Variants in KDM5C observed in about 807,000 individuals in gnomAD.
KDM5C encodes the protein lysine demethylase 5C.
Under a neutral mutation model 110.6 loss-of-function variants are expected in KDM5C, and 16 were observed. The ratio of observed to expected loss-of-function variants is 0.14; its 90% CI spans 0.10 to 0.22. The LOEUF (loss-of-function observed/expected upper bound fraction) is 0.22, where lower values mean the gene tolerates loss of function less well. KDM5C is among the 10% of genes least tolerant of loss of function. KDM5C has a pLI of 1.00. For synonymous variants in KDM5C, 511 were observed against 520.4 expected (o/e 0.98, Z 0.24); for missense variants, 681 against 1,300.9 (o/e 0.52, Z 7.33).
intron 25 of KDM5C, among the ~76,000 whole-genome samples, chrX:53,180,461 C>T (rs782311180): frequency 1.3e-4 from 15 of 111,213 alleles, no homozygotes; most frequent in Admixed American, 7.7e-4. Context: ...TTGACTATAA[C>T]GAATGTACCA....
chrX:53,214,856 G>A lies in KDM5C; in HGVS notation c.964-9C>T, dbSNP rs1556850880. ...CAGACATATGACTCAATCTGCCAGG[G>A]GAGAAGAGCAAAAGTTCTCCATTGG... On this transcript the variant is annotated splice_polypyrimidine_tract_variant and intron_variant, in intron 7 of 25. Coordinates refer to ENST00000375401, the MANE Select transcript of KDM5C (RefSeq NM_004187.5). 1 of 1,210,478 alleles carries A rather than the reference G, an allele frequency of 8.3e-7. No homozygotes were observed. The highest frequency in any genetic ancestry group is 3.0e-5 in the East Asian group (1 of 33,848).
At chrX:53,218,527 A>C in intron 2 of KDM5C, 129 bp from the exon 3 acceptor site, 7 of 801,140 alleles carry the variant, frequency 8.7e-6, no homozygotes, top group Non-Finnish European at 1.3e-5. Context: ...TCTCCCAATG[A>C]ACCGGATCCC....
chrX:53,183,262 C>CAAA (rs3045214), intron 25 of KDM5C, among the ~76,000 whole-genome samples: 34 of 43,445 alleles, frequency 7.8e-4, no homozygotes, highest in East Asian at 3.0e-3. Context: ...CCTGTCTCTA[C>CAAA]AAAAAAAAAA....
chrX:53,191,534 A>T (rs1334285751), downstream of KDM5C: 1 of 173,424 alleles, frequency 5.8e-6, no homozygotes, highest in Non-Finnish European at 1.1e-5. Flanking sequence ...TACATTATAT[A>T]TATCAATAAG....
At chrX:53,201,320 A>G (rs1556841547) in intron 14 of KDM5C, 2 of 431,857 alleles carry the variant, frequency 4.6e-6, no homozygotes, top group African/African-American at 2.5e-5. Context: ...ATCCAAAAAG[A>G]TAAGCATTAT....
At chrX:53,219,132 C>T (rs1292248962) in intron 2 of KDM5C, among the ~76,000 whole-genome samples, 2 of 112,506 alleles carry the variant, frequency 1.8e-5, no homozygotes, top group Non-Finnish European at 3.8e-5. Context: ...TGCTATGCTG[C>T]CTTGAGCAAA....
In KDM5C at chrX:53,192,543, G is replaced by C; in HGVS notation, c.*424C>G. On this transcript the variant is annotated 3_prime_UTR_variant, in exon 26 of 26. Transcript: ENST00000375401. ...AGAAGGGGGTAGGAAGGAAGGAAAAGAGGGGAGGAGAGTGGGGGCAGGGGT... is the reference window on the plus strand; with the variant it reads ...AGAAGGGGGTAGGAAGGAAGGAAAACAGGGGAGGAGAGTGGGGGCAGGGGT... 2.7e-6 allele frequency: 1 copy of C among 365,470 alleles called. No individual in the cohort carries two copies. Among genetic ancestry groups the C allele is most frequent in the Non-Finnish European group, 4.9e-6 (1 of 204,892 alleles). 30.1% of individuals were successfully genotyped at this position (365,470 alleles called of 1,213,427 possible).
At chrX:53,215,196 TG>T in intron 7 of KDM5C, 2 of 386,549 alleles carry the variant, frequency 5.2e-6, no homozygotes, top group East Asian at 6.7e-5. Context: ...AAGGGCACTG[TG>T]GGAGCCTAGA....
Position 53,210,669 on chromosome X carries a change from C to T in KDM5C, c.1583+7G>A. The T allele has an allele frequency of 8.3e-7, 1 of 1,210,747 alleles. No individual in the cohort carries two copies. Among genetic ancestry groups the T allele is most frequent in the East Asian group, 3.0e-5 (1 of 33,801 alleles). The stretch of plus-strand genomic sequence containing the variant: ...TTGATTCCCTGGCTCCCCAGGGTCC[C>T]ACTCACCAGTGGAGGTAGTTAATGG... On this transcript the variant is annotated splice_region_variant and intron_variant, in intron 11 of 25. Transcript: ENST00000375401.
At chrX:53,218,853 C>T (rs1191098561) in intron 2 of KDM5C, 3 of 252,648 alleles carry the variant, frequency 1.2e-5, no homozygotes, top group East Asian at 1.1e-4. Flanking sequence ...GGATCACAGG[C>T]ACAAGCCACT....
intron 10 of KDM5C, 115 bp downstream of exon 10, chrX:53,211,382 G>A: frequency 1.3e-6 from 1 of 785,931 alleles, no homozygotes. Context: ...AAATCTCATG[G>A]CTACATAAGA....
At chrX:53,206,563 AG>A (rs1354728730) in intron 12 of KDM5C, among the ~76,000 whole-genome samples, 1 of 111,450 alleles carries the variant, frequency 9.0e-6, no homozygotes, top group Non-Finnish European at 1.9e-5. Context: ...CTAGGTACAT[AG>A]GTACTTTTAA....
chrX:53,192,882 C>CCCCCCCCCCACA lies in KDM5C; in HGVS notation c.*84_*85insTGTGGGGGGGGG. 9.4e-7 allele frequency: 1 copy of CCCCCCCCCCACA among 1,061,094 alleles called. No individual in the cohort carries two copies. Among genetic ancestry groups the CCCCCCCCCCACA allele is most frequent in the East Asian group, 3.2e-5 (1 of 30,846 alleles). 87.4% of individuals were successfully genotyped at this position (1,061,094 alleles called of 1,213,427 possible). A position where few individuals can be genotyped will look rare whatever the true frequency, so the allele number is the denominator to read the frequency against. ...GGCCACCCCCCTACCCGCCCACCCCCCAAGAAGCAGGCTTGATGGTCAGAA... is the reference window on the plus strand; with the variant it reads ...GGCCACCCCCCTACCCGCCCACCCCCCCCCCCCCCACACAAGAAGCAGGCTTGATGGTCAGAA... On this transcript the variant is annotated 3_prime_UTR_variant, in exon 26 of 26. Transcript: ENST00000375401.
chrX:53,213,601 C>T (rs782172257), intron 8 of KDM5C, among the ~76,000 whole-genome samples: 1 of 111,696 alleles, frequency 9.0e-6, no homozygotes, highest in South Asian at 3.8e-4. Flanking sequence ...TAGGCATGCT[C>T]TCCTGCTATA....
chrX:53,183,455 G>GA (rs1226337267), intron 25 of KDM5C, among the ~76,000 whole-genome samples: 35 of 99,213 alleles, frequency 3.5e-4, no homozygotes, highest in East Asian at 6.3e-4. Flanking sequence ...ACTGTGTCTT[G>GA]AAAAAAAAAA....
rs1258872183 is a variant in KDM5C, at chrX:53,197,400, A to AT, written c.2623-357dup. ...AAAAATTGCTATGATTAGTCCTCAC[A>AT]TAAACCCTTGTGCTCACCACCCTGG... On this transcript the variant is annotated intron_variant, in intron 18 of 25. Coordinates refer to ENST00000375401, the MANE Select transcript of KDM5C (RefSeq NM_004187.5). Among the ~76,000 whole-genome samples the AT allele has an allele frequency of 2.7e-5, 3 of 111,292 alleles. No individual in the cohort carries two copies. The East Asian group carries it at 8.5e-4, about 31-fold the overall frequency.
At chrX:53,218,451 T>A in intron 2 of KDM5C, 53 bp from the exon 3 acceptor site, 1 of 1,187,469 alleles carries the variant, frequency 8.4e-7, no homozygotes, top group East Asian at 3.0e-5. Context: ...CTGACCACTA[T>A]CTTTGGGTCC....
intron 3 of KDM5C, 115 bp downstream of exon 3, chrX:53,218,161 G>T: frequency 1.0e-6 from 1 of 957,447 alleles, no homozygotes; most frequent in Non-Finnish European, 1.5e-6. Flanking sequence ...GTGCTACCAA[G>T]CTGTGCCCCT....
At chrX:53,221,713 C>T (rs1239375878) in intron 1 of KDM5C, 3 of 979,156 alleles carry the variant, frequency 3.1e-6, no homozygotes, top group Non-Finnish European at 4.0e-6. Flanking sequence ...TCCTGTAGAT[C>T]CTCTCTCATA....
Sources: gnomAD v4.1 joint callset for allele counts (sites outside exome capture counted in the v4.1 genomes callset) on GRCh38, gnomAD v4.1.1 for gene constraint, MANE v1.5 for transcripts, NCBI Gene and HGNC (gene_info 2026-07-23, HGNC 2026-07-21) for gene names.